Variants in TLL1 observed in about 807,000 individuals in gnomAD.
TLL1 encodes the protein tolloid-like protein 1.
In TLL1, 49 loss-of-function variants were observed where a neutral mutation model predicts 128.2. The observed-to-expected ratio is 0.38, with a 90% CI of 0.30 to 0.48. The LOEUF is 0.48. Among genes scored for constraint, TLL1 ranks in the 20% least tolerant of loss-of-function variants. The pLI, the probability that TLL1 is intolerant of heterozygous loss-of-function variation, is 0.96. For synonymous variants in TLL1, 454 were observed against 418.8 expected, an observed-to-expected ratio of 1.08 and a Z score of -1.03; for missense variants, 1,123 against 1,242.0, an observed-to-expected ratio of 0.90 and a Z score of 1.44.
At chr4:166,002,527 C>T (rs1737218749) in intron 5 of TLL1, among the ~76,000 whole-genome samples, 1 of 152,122 alleles carries the variant, frequency 6.6e-6, no homozygotes. Context: ...TCACTGCAGA[C>T]TCAAACTCCT....
chr4:166,087,144 A>C, intron 18 of TLL1, among the ~76,000 whole-genome samples: 1 of 151,846 alleles, frequency 6.6e-6, no homozygotes, highest in Non-Finnish European at 1.5e-5. Context: ...AAAACAAAAT[A>C]CAAACAAACA....
rs780008711 is a variant in TLL1, at chr4:166,025,422, A to C, written c.1149A>C (p.Pro383=). The change falls in exon 9 of 21, where the codon CCA becomes CCC. Residue 383 remains proline, a synonymous_variant. Transcript: ENST00000061240. ...THCIWRVSVT[P]GEKIVLNFTT... ...GCATCTGGAGAGTTTCTGTGACCCC[A>C]GGGGAGAAGGTAGTTTATACCGTCA... 5 of 1,608,420 alleles carry C rather than the reference A, an allele frequency of 3.1e-6. No homozygotes were observed. The Admixed American group carries it at 5.0e-5, about 16-fold the overall frequency.
chr4:166,027,357 T>G (rs756788187), intron 9 of TLL1, among the ~76,000 whole-genome samples: 1 of 152,160 alleles, frequency 6.6e-6, no homozygotes, highest in Admixed American at 6.5e-5. Context: ...GTGGTGGGAA[T>G]GCAATTGCAA....
rs143438954 is a variant in TLL1, at chr4:165,901,375, G to C, written c.169+27302G>C. Among the ~76,000 whole-genome samples the C allele has an allele frequency of 7.4e-3, 1,130 of 152,208 alleles. 13 individuals are homozygous for C. Among genetic ancestry groups the C allele is most frequent in the African/African-American group, 0.025 (1,056 of 41,524 alleles). ...TGCACTGGTTTTTCCTCATCTTCAT[G>C]GATTTATCTACCTTTGGTCTTTGAT... On this transcript the variant is annotated intron_variant, in intron 1 of 20. Transcript: ENST00000061240.
intron 5 of TLL1, among the ~76,000 whole-genome samples, chr4:166,000,631 T>C (rs1005372385): frequency 1.3e-5 from 2 of 152,212 alleles, no homozygotes; most frequent in Non-Finnish European, 2.9e-5. Flanking sequence ...ATTTAGTTGC[T>C]GTATAATCAT....
At chr4:165,964,581 A>G (rs1425493096) in intron 1 of TLL1, among the ~76,000 whole-genome samples, 3 of 152,162 alleles carry the variant, frequency 2.0e-5, no homozygotes, top group African/African-American at 7.2e-5. Context: ...ACATGTTGCA[A>G]TTCCTACCTC....
In TLL1 at chr4:166,099,370, G is replaced by A; in HGVS notation, c.2750G>A (p.Cys917Tyr). The change falls in exon 20 of 21, where the codon TGT becomes TAT. Residue 917 changes from cysteine to tyrosine, a missense_variant. This residue lies in a region of TLL1 where 634 missense variants were observed against 672.4 expected (regional missense o/e 0.94). Transcript: ENST00000061240. ...GDNNYPGQVD[C>Y]EWLLVSERGS... Reference sequence around the variant, plus strand: ...AACAACTACCCAGGACAGGTTGACTGTGAATGGCTATTAGTATCAGAACGG... The same window carrying A: ...AACAACTACCCAGGACAGGTTGACTATGAATGGCTATTAGTATCAGAACGG... 1 of 1,613,614 alleles carries A rather than the reference G, an allele frequency of 6.2e-7. No homozygotes were observed. Among genetic ancestry groups the A allele is most frequent in the Non-Finnish European group, 8.5e-7 (1 of 1,179,678 alleles).
chr4:165,977,605 G>A (rs964030705), intron 1 of TLL1, among the ~76,000 whole-genome samples: 4 of 152,108 alleles, frequency 2.6e-5, no homozygotes, highest in Non-Finnish European at 5.9e-5. Context: ...AGGAGAAATG[G>A]TTATAAAATT....
intron 8 of TLL1, among the ~76,000 whole-genome samples, chr4:166,015,288 G>A (rs1180145408): frequency 6.6e-6 from 1 of 151,926 alleles, no homozygotes; most frequent in African/African-American, 2.4e-5. Context: ...ATTTGTCCAA[G>A]GAAACCTCCT....
At chr4:165,892,898 C>T (rs17047051) in intron 1 of TLL1, among the ~76,000 whole-genome samples, 2,630 of 152,146 alleles carry the variant, frequency 0.017, 89 homozygotes, top group African/African-American at 0.061. Flanking sequence ...AGAAATTATT[C>T]TGACCTTATA....
At chr4:165,906,072 A>T (rs747149828) in intron 1 of TLL1, among the ~76,000 whole-genome samples, 1 of 152,188 alleles carries the variant, frequency 6.6e-6, no homozygotes, top group Non-Finnish European at 1.5e-5. Context: ...TAAAAGTTTC[A>T]TTAAAAAAAG....
At chr4:165,961,642 G>A (rs963689624) in intron 1 of TLL1, among the ~76,000 whole-genome samples, 3 of 152,024 alleles carry the variant, frequency 2.0e-5, no homozygotes. Context: ...GTGGAATAGA[G>A]CAGAGAACCC....
intron 1 of TLL1, among the ~76,000 whole-genome samples, chr4:165,981,099 A>C (rs866816897): frequency 2.6e-5 from 4 of 152,014 alleles, no homozygotes; most frequent in South Asian, 2.1e-4. Context: ...TAATTATCTG[A>C]AACTCAGTTA....
chr4:166,093,144 G>A (rs1469085213), intron 19 of TLL1, among the ~76,000 whole-genome samples: 1 of 152,152 alleles, frequency 6.6e-6, no homozygotes, highest in Non-Finnish European at 1.5e-5. Flanking sequence ...ATAAGACACG[G>A]AGACAAAGTA....
At chr4:166,081,384 C>A (rs544961971) in intron 18 of TLL1, among the ~76,000 whole-genome samples, 1 of 152,128 alleles carries the variant, frequency 6.6e-6, no homozygotes, top group Non-Finnish European at 1.5e-5. Flanking sequence ...ATGGCAGTGA[C>A]CACTTCCCTT....
intron 8 of TLL1, 79 bp from the exon 9 acceptor site, chr4:166,025,237 A>G (rs1738436092): frequency 9.6e-7 from 1 of 1,038,544 alleles, no homozygotes; most frequent in Non-Finnish European, 1.5e-6. Flanking sequence ...TACCAAAAAA[A>G]CCCTTCATGG....
chr4:165,988,607 C>T (rs1377039250), intron 1 of TLL1, among the ~76,000 whole-genome samples: 2 of 151,952 alleles, frequency 1.3e-5, no homozygotes, highest in African/African-American at 4.8e-5. Flanking sequence ...TGCACTCCAG[C>T]CTGGGTAACA....
chr4:166,096,944 C>G (rs527596675), intron 19 of TLL1, among the ~76,000 whole-genome samples: 5 of 151,970 alleles, frequency 3.3e-5, no homozygotes, highest in Admixed American at 3.3e-4. Context: ...CTGAGTGGAT[C>G]GTAGAGTACA....
At chr4:166,038,201 C>T (rs1376469260) in intron 9 of TLL1, among the ~76,000 whole-genome samples, 1 of 152,118 alleles carries the variant, frequency 6.6e-6, no homozygotes, top group African/African-American at 2.4e-5. Flanking sequence ...TATTTTCCTT[C>T]TTTCTTTCCT....
Sources: allele counts gnomAD v4.1 joint callset (sites outside exome capture counted in the v4.1 genomes callset), GRCh38; gene constraint gnomAD v4.1.1; regional missense constraint gnomAD v4.1.1; transcripts MANE v1.5; gene names NCBI Gene and HGNC (gene_info 2026-07-23, HGNC 2026-07-21).